The following SLC8A3 variants were observed in gnomAD, a reference collection of about 807,000 sequenced individuals.
The protein encoded by SLC8A3 is sodium/calcium exchanger 3.
SLC8A3 carries 37 observed loss-of-function variants against 65.4 expected under a neutral mutation model. That is an observed-to-expected ratio of 0.57 (90% CI 0.44 to 0.74). The LOEUF is 0.74. SLC8A3 is among the 30% of genes least tolerant of loss of function. The pLI is 0.00. For synonymous variants in SLC8A3, 461 were observed against 444.5 expected (o/e 1.04, Z -0.47); for missense variants, 1,112 against 1,172.1 (o/e 0.95, Z 0.75).
intron 2 of SLC8A3, among the ~76,000 whole-genome samples, chr14:70,149,069 G>A (rs1896106448): frequency 6.6e-6 from 1 of 152,172 alleles, no homozygotes; most frequent in Non-Finnish European, 1.5e-5. Context: ...TTGCACCATT[G>A]CAGGCTTAGT....
intron 2 of SLC8A3, among the ~76,000 whole-genome samples, chr14:70,091,680 T>C (rs1188737796): frequency 6.6e-6 from 1 of 152,224 alleles, no homozygotes; most frequent in Admixed American, 6.5e-5. Context: ...TTTTACGTTC[T>C]ATTTTAACTT....
At chr14:70,080,028 T>TGCGGG (rs1430527985) in intron 2 of SLC8A3, 1 of 899,266 alleles carries the variant, frequency 1.1e-6, no homozygotes, top group African/African-American at 1.8e-5. Context: ...TGGGTTGTCG[T>TGCGGG]GCGGGTGACA....
rs111307421 is a variant in SLC8A3, at chr14:70,068,852, G to A, written c.1785-7913C>T. ...TATAATCTTCCCACCTCAGCCTACC[G>A]AGTAGCTAAGACTACAGGCACCTGC... On this transcript the variant is annotated intron_variant, in intron 2 of 6. Coordinates refer to ENST00000356921, the MANE Select transcript of SLC8A3 (RefSeq NM_182932.3). Among the ~76,000 whole-genome samples the A allele has an allele frequency of 3.3e-3, 506 of 152,026 alleles. 3 individuals carry two copies. The highest frequency in any genetic ancestry group is 0.012 in the African/African-American group (482 of 41,472).
intron 1 of SLC8A3, among the ~76,000 whole-genome samples, chr14:70,168,996 T>C (rs1178335614): frequency 6.6e-6 from 1 of 152,204 alleles, no homozygotes; most frequent in Non-Finnish European, 1.5e-5. Flanking sequence ...CATATTTCCT[T>C]GGCCTTCATG....
chr14:70,178,880 C>T (rs1191627722), intron 1 of SLC8A3, among the ~76,000 whole-genome samples: 2 of 152,156 alleles, frequency 1.3e-5, no homozygotes, highest in South Asian at 2.1e-4. Flanking sequence ...ACAAAACAGC[C>T]GGAAAGTCTC....
At chr14:70,173,305 C>T (rs576713925) in intron 1 of SLC8A3, among the ~76,000 whole-genome samples, 2 of 152,172 alleles carry the variant, frequency 1.3e-5, no homozygotes, top group South Asian at 4.1e-4. Flanking sequence ...TGGGTAGATT[C>T]TGCTCATGAT....
intron 2 of SLC8A3, among the ~76,000 whole-genome samples, chr14:70,156,371 A>G (rs1262023728): frequency 6.6e-6 from 1 of 152,176 alleles, no homozygotes. Context: ...ATCTCAGTGA[A>G]ATGGAGACTC....
At chr14:70,098,358 T>G (rs536729332) in intron 2 of SLC8A3, among the ~76,000 whole-genome samples, 20 of 152,206 alleles carry the variant, frequency 1.3e-4, no homozygotes, top group African/African-American at 4.8e-4. Context: ...CCAATCTCTA[T>G]CTCATTACGC....
chr14:70,051,932 C>T lies in SLC8A3; in HGVS notation c.2013+58G>A. The T allele has an allele frequency of 6.0e-6, 9 of 1,501,336 alleles. No individual in the cohort carries two copies. The South Asian group carries it at 1.0e-4, about 17-fold the overall frequency. 93.0% of individuals were successfully genotyped at this position (1,501,336 alleles called of 1,614,324 possible). A position where few individuals can be genotyped will look rare whatever the true frequency, so the allele number is the denominator to read the frequency against. ...GAAAGTGGAAAAAAACACCCCAGGT[C>T]TTCTGCCTCCCACTTTAATTTATTT... On this transcript the variant is annotated intron_variant, in intron 4 of 6. Transcript: ENST00000356921.
intron 2 of SLC8A3, among the ~76,000 whole-genome samples, chr14:70,112,633 A>C (rs1893386821): frequency 6.6e-6 from 1 of 152,182 alleles, no homozygotes; most frequent in South Asian, 2.1e-4. Context: ...TGAATGTATT[A>C]GTTTCCTATA....
chr14:70,075,159 G>A lies in SLC8A3; in HGVS notation c.1785-14220C>T, dbSNP rs61593518. ...TGTGTGCGCGCATGTGTGTGCGTGC[G>A]TGTGTGCGTGTGTGTTTAATATAAC... is the stretch of plus-strand genomic sequence containing the variant. On this transcript the variant is annotated intron_variant, in intron 2 of 6. Coordinates refer to ENST00000356921, the MANE Select transcript of SLC8A3 (RefSeq NM_182932.3). 5.2e-3 allele frequency among the ~76,000 whole-genome samples: 784 copies of A among 152,192 alleles called. 6 individuals are homozygous for A. The highest frequency in any genetic ancestry group is 0.018 in the African/African-American group (729 of 41,490).
At chr14:70,049,147 G>T in intron 5 of SLC8A3, 105 bp from the exon 6 acceptor site, 1 of 1,132,434 alleles carries the variant, frequency 8.8e-7, no homozygotes, top group South Asian at 1.6e-5. Context: ...GCTAGAAGGG[G>T]ACTCCAGCTG....
intron 2 of SLC8A3, among the ~76,000 whole-genome samples, chr14:70,083,487 G>A (rs1891207936): frequency 6.6e-6 from 1 of 152,222 alleles, no homozygotes; most frequent in Admixed American, 6.5e-5. Context: ...GAGAAAGAGA[G>A]GCAAGTCCTT....
At chr14:70,177,342 A>G (rs1315269420) in intron 1 of SLC8A3, among the ~76,000 whole-genome samples, 2 of 152,244 alleles carry the variant, frequency 1.3e-5, no homozygotes, top group South Asian at 2.1e-4. Flanking sequence ...AATTTGAGTA[A>G]TATGAACAAA....
intron 2 of SLC8A3, among the ~76,000 whole-genome samples, chr14:70,086,464 C>T (rs531576896): frequency 5.4e-4 from 76 of 139,622 alleles, no homozygotes; most frequent in Non-Finnish European, 8.7e-4. Flanking sequence ...TGCAATGGCA[C>T]GATCTTGGCT....
chr14:70,060,753 T>G, intron 3 of SLC8A3, 83 bp downstream of exon 3: 1 of 846,186 alleles, frequency 1.2e-6, no homozygotes, highest in Non-Finnish European at 2.1e-6. Context: ...TATAGCTGCT[T>G]TTTCTTTTTT....
At chr14:70,057,802 G>T (rs1008139181) in intron 3 of SLC8A3, among the ~76,000 whole-genome samples, 1 of 152,192 alleles carries the variant, frequency 6.6e-6, no homozygotes, top group Non-Finnish European at 1.5e-5. Context: ...GCATAGGACT[G>T]TGAGTAATTA....
In SLC8A3 at chr14:70,045,851, C is replaced by T. The variant is rs1886696467; in HGVS notation, c.*96G>A. On this transcript the variant is annotated 3_prime_UTR_variant, in exon 7 of 7. Coordinates refer to ENST00000356921, the MANE Select transcript of SLC8A3 (RefSeq NM_182932.3). Reference sequence around the variant, plus strand: ...GGGCTTAGGTCCTGATGCTGCCTCTCCAGGGCAGTGCAGTCGGGAGAGATC... The same window carrying T: ...GGGCTTAGGTCCTGATGCTGCCTCTTCAGGGCAGTGCAGTCGGGAGAGATC... 7.8e-7 allele frequency: 1 copy of T among 1,283,560 alleles called. No individual in the cohort carries two copies. The highest frequency in any genetic ancestry group is 1.1e-6 in the Non-Finnish European group (1 of 949,118). The allele number at this position is 1,283,560 out of a possible 1,614,324, so 79.5% of individuals were successfully genotyped here.
At chr14:70,059,890 G>A (rs765763392) in intron 3 of SLC8A3, among the ~76,000 whole-genome samples, 2 of 152,090 alleles carry the variant, frequency 1.3e-5, no homozygotes, top group Non-Finnish European at 2.9e-5. Flanking sequence ...CCCTGGCTAC[G>A]GGAATTTTCA....
Sources: allele counts gnomAD v4.1 joint callset (sites outside exome capture counted in the v4.1 genomes callset), GRCh38; gene constraint gnomAD v4.1.1; transcripts MANE v1.5; gene names NCBI Gene and HGNC (gene_info 2026-07-23, HGNC 2026-07-21).